Variants in NEDD9 observed in about 807,000 individuals in gnomAD.
The protein encoded by NEDD9 is neural precursor cell expressed, developmentally down-regulated 9.
NEDD9 carries 26 observed loss-of-function variants against 76.6 expected under a neutral mutation model. The observed-to-expected ratio is 0.34, with a 90% CI of 0.25 to 0.47. The LOEUF (loss-of-function observed/expected upper bound fraction) is 0.47, where lower values mean the gene tolerates loss of function less well. NEDD9 is among the 20% of genes least tolerant of loss of function. The pLI is 1.00. For synonymous variants in NEDD9, 392 were observed against 414.2 expected, an observed-to-expected ratio of 0.95 and a Z score of 0.65; for missense variants, 937 against 1,058.5, an observed-to-expected ratio of 0.89 and a Z score of 1.59.
At chr6:11,283,678 T>C (rs2113362060) in intron 3 of NEDD9, among the ~76,000 whole-genome samples, 1 of 152,326 alleles carries the variant, frequency 6.6e-6, no homozygotes, top group South Asian at 2.1e-4. Flanking sequence ...GAATCTTGAG[T>C]GCTTTTCTCT....
intron 3 of NEDD9, among the ~76,000 whole-genome samples, chr6:11,287,155 G>A (rs542426541): frequency 3.5e-4 from 54 of 152,252 alleles, no homozygotes; most frequent in African/African-American, 1.2e-3. Context: ...GGCTGGGCGC[G>A]GTGGCTCACG....
chr6:11,278,178 T>G (rs1760454622), intron 3 of NEDD9, among the ~76,000 whole-genome samples: 1 of 152,184 alleles, frequency 6.6e-6, no homozygotes, highest in South Asian at 2.1e-4. Context: ...CTCGCCAGCC[T>G]CTGGGAACCA....
At chr6:11,318,243 G>A (rs1218279278) in intron 2 of NEDD9, among the ~76,000 whole-genome samples, 1 of 152,136 alleles carries the variant, frequency 6.6e-6, no homozygotes, top group Non-Finnish European at 1.5e-5. Flanking sequence ...GATCACATGA[G>A]CCAAGTTCTT....
At position 11,190,384 on chromosome 6, in the gene NEDD9, G is replaced by T. The variant is rs375651132; in HGVS notation, c.1485C>A (p.Ser495=). 3 of 1,614,068 alleles carry T rather than the reference G, an allele frequency of 1.9e-6. No individual in the cohort carries two copies. The African/African-American group carries it at 4.0e-5, about 22-fold the overall frequency. Residue 495 remains serine (S), a synonymous_variant, in exon 5 of 7, where the codon TCC becomes TCA. Transcript: ENST00000379446. This position sits in a 1 kb window ranked among gnomAD's most constrained non-coding sequence, Gnocchi z 5.8. ...MKRELQRVED[S]HQILSQTSHD... is the part of the protein sequence containing the mutation. ...GGCTGGTTTGACTCAGGATCTGGTG[G>T]GAGTCTTCAACTCGTTGCAGCTCCC...
chr6:11,272,025 C>G (rs192608427), intron 3 of NEDD9, among the ~76,000 whole-genome samples: 6 of 152,302 alleles, frequency 3.9e-5, no homozygotes, highest in Non-Finnish European at 8.8e-5. Flanking sequence ...CCAAGCACTT[C>G]TTAGGTGGCC....
chr6:11,259,935 A>AAC (rs55634199), intron 3 of NEDD9, among the ~76,000 whole-genome samples: 62 of 142,594 alleles, frequency 4.3e-4, no homozygotes, highest in Middle Eastern at 3.4e-3. Flanking sequence ...CTGCGCCCTT[A>AAC]ACACACACAC....
intron 2 of NEDD9, among the ~76,000 whole-genome samples, chr6:11,202,027 T>C (rs1357257168): frequency 6.9e-6 from 1 of 144,726 alleles, no homozygotes; most frequent in African/African-American, 2.7e-5. Context: ...ACCCAGGATG[T>C]GCTCAGGAAA....
In NEDD9 at chr6:11,213,260, TTTAG is replaced by T. The variant is rs1365953106; in HGVS notation, c.459+17_459+20del. 1 of 1,551,116 alleles carries T rather than the reference TTTAG, an allele frequency of 6.4e-7. No individual in the cohort carries two copies. The highest frequency in any genetic ancestry group is 1.2e-5 in the South Asian group (1 of 82,684). ...AAAAAAAAATAAGTAGGAACAAAAA[TTTAG>T]TTAGTCATTTACTCACCTTTTTACC... On this transcript the variant is annotated intron_variant, in intron 2 of 6. Transcript: ENST00000379446. This position sits in a 1 kb window ranked among gnomAD's most constrained non-coding sequence, Gnocchi z 5.4.
chr6:11,187,405 C>G (rs1269209799), intron 6 of NEDD9, among the ~76,000 whole-genome samples: 1 of 152,178 alleles, frequency 6.6e-6, no homozygotes. Context: ...ACATGCCCTG[C>G]CCAAAGTCCT....
chr6:11,374,044 A>ATCTCTC (rs748028297), intron 1 of NEDD9, among the ~76,000 whole-genome samples: 7 of 150,796 alleles, frequency 4.6e-5, no homozygotes, highest in African/African-American at 1.7e-4. Context: ...CATAAAATAA[A>ATCTCTC]TCTCTCTCTC....
At chr6:11,319,947 G>A (rs1363307322) in intron 2 of NEDD9, among the ~76,000 whole-genome samples, 1 of 150,796 alleles carries the variant, frequency 6.6e-6, no homozygotes, top group Non-Finnish European at 1.5e-5. Context: ...TTTACCTGTT[G>A]TGAGGATTGA....
intron 2 of NEDD9, among the ~76,000 whole-genome samples, chr6:11,307,073 G>A (rs571563097): frequency 7.9e-5 from 12 of 152,298 alleles, no homozygotes; most frequent in East Asian, 1.9e-4. Flanking sequence ...CTTTGTAAAA[G>A]GACAGTGTTT....
At chr6:11,237,262 C>T (rs1196978062), upstream of NEDD9, among the ~76,000 whole-genome samples, 3 of 152,170 alleles carry the variant, frequency 2.0e-5, no homozygotes, top group Non-Finnish European at 4.4e-5. The surrounding 1 kb of genome is among the most constrained non-coding windows in gnomAD (Gnocchi z 4.9). Context: ...TCTTGGGGAA[C>T]AGGGTGGTAT....
At chr6:11,205,160 G>A (rs916469454) in intron 2 of NEDD9, among the ~76,000 whole-genome samples, 7 of 152,186 alleles carry the variant, frequency 4.6e-5, no homozygotes, top group Admixed American at 2.0e-4. Flanking sequence ...CCTCTCACTG[G>A]AGGCAGCAAG....
At chr6:11,204,448 G>A (rs1396990313) in intron 2 of NEDD9, among the ~76,000 whole-genome samples, 3 of 152,186 alleles carry the variant, frequency 2.0e-5, no homozygotes, top group Non-Finnish European at 2.9e-5. Context: ...TAGGCCAGGC[G>A]TGGTGGCTCA....
At chr6:11,305,970 G>A in intron 3 of NEDD9, 2 of 1,613,380 alleles carry the variant, frequency 1.2e-6, no homozygotes, top group Non-Finnish European at 1.7e-6. Flanking sequence ...CAAATTGTCT[G>A]TTTTTTTCTA....
At chr6:11,235,431 T>C (rs1759578236), upstream of NEDD9, among the ~76,000 whole-genome samples, 1 of 152,158 alleles carries the variant, frequency 6.6e-6, no homozygotes. The surrounding 1 kb of genome is among the most constrained non-coding windows in gnomAD (Gnocchi z 4.1). Flanking sequence ...GGTACCTTTC[T>C]AGGAGGGGAG....
At chr6:11,317,293 T>C (rs1761596860) in intron 2 of NEDD9, among the ~76,000 whole-genome samples, 1 of 150,982 alleles carries the variant, frequency 6.6e-6, no homozygotes, top group South Asian at 2.1e-4. Flanking sequence ...ATTAGCTGGG[T>C]ATGGGGGTGC....
intron 1 of NEDD9, among the ~76,000 whole-genome samples, chr6:11,377,242 G>A (rs575469599): frequency 3.9e-5 from 6 of 152,346 alleles, no homozygotes; most frequent in South Asian, 4.1e-4. Flanking sequence ...GTGGAGCTGC[G>A]GAAAGGGGGC....
Sources: allele counts gnomAD v4.1 joint callset (sites outside exome capture counted in the v4.1 genomes callset), GRCh38; gene constraint gnomAD v4.1.1; non-coding constraint Gnocchi (gnomAD v3.1); transcripts MANE v1.5; gene names NCBI Gene and HGNC (gene_info 2026-07-23, HGNC 2026-07-21).